ZNF536: variants seen among roughly 807,000 people sequenced by gnomAD.
ZNF536 encodes zinc finger protein 536.
ZNF536 carries 13 observed loss-of-function variants against 84.5 expected under a neutral mutation model. That is an observed-to-expected ratio of 0.15 (90% CI 0.10 to 0.24). ZNF536 has a LOEUF of 0.24. Ranked by LOEUF, ZNF536 falls within the 10% of genes least tolerant of loss-of-function variation. ZNF536 has a pLI of 1.00. For synonymous variants in ZNF536, 811 were observed against 742.5 expected, an observed-to-expected ratio of 1.09 and a Z score of -1.50; for missense variants, 1,536 against 1,747.5, an observed-to-expected ratio of 0.88 and a Z score of 2.16.
intron 2 of ZNF536, among the ~76,000 whole-genome samples, chr19:30,313,394 C>A (rs936027952): frequency 2.6e-5 from 4 of 152,182 alleles, no homozygotes; most frequent in African/African-American, 9.7e-5. Flanking sequence ...GCTTAGGTCC[C>A]CTGCCTTGTC....
intron 1 of ZNF536, among the ~76,000 whole-genome samples, chr19:30,651,883 G>A (rs989132462): frequency 1.3e-5 from 2 of 152,206 alleles, no homozygotes; most frequent in African/African-American, 4.8e-5. Context: ...TTGTGTGTGT[G>A]TGGCTTAAGC....
chr19:30,620,156 G>T lies in ZNF536; in HGVS notation c.169+70642G>T, dbSNP rs184345038. Reference sequence around the variant, plus strand: ...AGCCAGACTCTTAAGGTACAATAGGGAGTGGTGGGGACTGTGGAAAACTGG... The same window carrying T: ...AGCCAGACTCTTAAGGTACAATAGGTAGTGGTGGGGACTGTGGAAAACTGG... On this transcript the variant is annotated intron_variant, in intron 1 of 1. Coordinates refer to the ZNF536 transcript ENST00000592773. Among the ~76,000 whole-genome samples the T allele has an allele frequency of 3.7e-4, 56 of 152,144 alleles. No individual in the cohort carries two copies. In the East Asian group the frequency reaches 9.3e-3, roughly 25 times the overall value.
chr19:30,446,709 C>T (rs897365797), intron 2 of ZNF536, among the ~76,000 whole-genome samples: 8 of 151,924 alleles, frequency 5.3e-5, no homozygotes, highest in East Asian at 3.9e-4. Flanking sequence ...CTGTGTTACA[C>T]GGCTGATACA....
chr19:30,364,901 A>T (rs1161327492), intron 3 of ZNF536, among the ~76,000 whole-genome samples: 1 of 152,258 alleles, frequency 6.6e-6, no homozygotes, highest in Non-Finnish European at 1.5e-5. Flanking sequence ...CAATGGAAAA[A>T]TTAGCAGATT....
At chr19:30,332,695 C>T (rs2047253381) in intron 2 of ZNF536, among the ~76,000 whole-genome samples, 1 of 152,190 alleles carries the variant, frequency 6.6e-6, no homozygotes, top group Non-Finnish European at 1.5e-5. Flanking sequence ...TTCCCTTGAA[C>T]TTAAAGCCTA....
intron 1 of ZNF536, among the ~76,000 whole-genome samples, chr19:30,639,465 C>T (rs1479470609): frequency 3.3e-5 from 5 of 152,148 alleles, no homozygotes; most frequent in Non-Finnish European, 7.3e-5. Context: ...TCTGACAAAG[C>T]CCCATCCCAA....
At chr19:30,664,961 T>C (rs2050263015) in intron 1 of ZNF536, among the ~76,000 whole-genome samples, 1 of 152,236 alleles carries the variant, frequency 6.6e-6, no homozygotes, top group Non-Finnish European at 1.5e-5. Flanking sequence ...TCCTAGAGGC[T>C]CCATGAGAGT....
chr19:30,528,485 C>G (rs62103391), intron 2 of ZNF536, among the ~76,000 whole-genome samples: 1 of 152,132 alleles, frequency 6.6e-6, no homozygotes, highest in Admixed American at 6.5e-5. Flanking sequence ...AGAGGATTGA[C>G]TCTTCTTAGT....
intron 2 of ZNF536, among the ~76,000 whole-genome samples, chr19:30,294,165 G>C (rs1404998278): frequency 1.3e-5 from 2 of 152,136 alleles, no homozygotes; most frequent in African/African-American, 4.8e-5. Context: ...CTAGAGGGTG[G>C]GGTGTGGCCC....
At chr19:30,675,653 C>T (rs889804389) in intron 1 of ZNF536, among the ~76,000 whole-genome samples, 2 of 152,146 alleles carry the variant, frequency 1.3e-5, no homozygotes, top group African/African-American at 4.8e-5. Flanking sequence ...GCTTTATTTC[C>T]AGAGGCAAAG....
intron 1 of ZNF536, among the ~76,000 whole-genome samples, chr19:30,589,710 G>A (rs778355487): frequency 1.3e-5 from 2 of 152,166 alleles, no homozygotes; most frequent in Non-Finnish European, 2.9e-5. Flanking sequence ...TGGGCTTAGA[G>A]TCCACCCAGT....
At chr19:30,604,507 CT>C (rs1285236230) in intron 1 of ZNF536, among the ~76,000 whole-genome samples, 1 of 152,140 alleles carries the variant, frequency 6.6e-6, no homozygotes, top group East Asian at 1.9e-4. Context: ...AACAAGAAAG[CT>C]GTTGAGCTTT....
chr19:30,600,180 C>A (rs1368147860), intron 1 of ZNF536, among the ~76,000 whole-genome samples: 4 of 152,026 alleles, frequency 2.6e-5, no homozygotes, highest in Non-Finnish European at 5.9e-5. Flanking sequence ...GCAATCTCCA[C>A]CTTCCAAGTG....
chr19:30,648,716 T>A (rs2049573863), intron 1 of ZNF536, among the ~76,000 whole-genome samples: 1 of 152,218 alleles, frequency 6.6e-6, no homozygotes, highest in Non-Finnish European at 1.5e-5. Flanking sequence ...GATTTGAAAT[T>A]TTAAAAGCTC....
At chr19:30,572,163 C>T (rs1277504447) in intron 1 of ZNF536, among the ~76,000 whole-genome samples, 1 of 152,162 alleles carries the variant, frequency 6.6e-6, no homozygotes, top group East Asian at 1.9e-4. Flanking sequence ...TAGCTAGGAC[C>T]AGGTACTACT....
At chr19:30,460,040 A>G (rs2053061014) in intron 2 of ZNF536, among the ~76,000 whole-genome samples, 1 of 152,180 alleles carries the variant, frequency 6.6e-6, no homozygotes, top group Non-Finnish European at 1.5e-5. Flanking sequence ...ACCTCATAGT[A>G]GCAAAATGGC....
intron 2 of ZNF536, among the ~76,000 whole-genome samples, chr19:30,461,992 A>C (rs920955808): frequency 6.6e-6 from 1 of 152,198 alleles, no homozygotes; most frequent in African/African-American, 2.4e-5. Flanking sequence ...AAAGAGAAGA[A>C]GGAGATCTCT....
At chr19:30,507,978 C>G (rs931580393) in intron 2 of ZNF536, among the ~76,000 whole-genome samples, 5 of 152,172 alleles carry the variant, frequency 3.3e-5, no homozygotes, top group Admixed American at 3.3e-4. Context: ...GGGCAGGATC[C>G]TTGCCTGTTT....
chr19:30,361,930 G>A (rs1242860815), intron 3 of ZNF536, among the ~76,000 whole-genome samples: 3 of 152,166 alleles, frequency 2.0e-5, no homozygotes, highest in African/African-American at 7.2e-5. Flanking sequence ...TTCAGAGGTC[G>A]AGAGCTGTGA....
Sources: allele counts gnomAD v4.1 joint callset (sites outside exome capture counted in the v4.1 genomes callset), GRCh38; gene constraint gnomAD v4.1.1; transcripts MANE v1.5; gene names NCBI Gene and HGNC (gene_info 2026-07-23, HGNC 2026-07-21).